Variants in SLC12A6 observed in about 807,000 individuals in gnomAD.
SLC12A6 encodes the protein K-Cl cotransporter 3.
A neutral mutation model predicts 135.3 loss-of-function variants in SLC12A6; 66 were observed. That is an observed-to-expected ratio of 0.49 (90% CI 0.40 to 0.60). The LOEUF (loss-of-function observed/expected upper bound fraction) is 0.60. Among genes scored for constraint, SLC12A6 ranks in the 20% least tolerant of loss-of-function variants. SLC12A6 has a pLI of 0.00. For synonymous variants in SLC12A6, 513 were observed against 508.8 expected (o/e 1.01, Z -0.11); for missense variants, 1,058 against 1,452.3 (o/e 0.73, Z 4.41).
At chr15:34,278,653 C>A (rs922930483) in intron 2 of SLC12A6, among the ~76,000 whole-genome samples, 4 of 151,972 alleles carry the variant, frequency 2.6e-5, no homozygotes, top group Admixed American at 6.5e-5. Context: ...CTCACTGCAA[C>A]CTCCACCTTC....
At chr15:34,326,269 A>G (rs116246488) in intron 2 of SLC12A6, among the ~76,000 whole-genome samples, 1 of 152,332 alleles carries the variant, frequency 6.6e-6, no homozygotes, top group East Asian at 1.9e-4. Context: ...ATGAAGACAG[A>G]CATTCAGTTA....
intron 3 of SLC12A6, among the ~76,000 whole-genome samples, chr15:34,264,248 A>T (rs930170852): frequency 1.3e-5 from 2 of 152,238 alleles, no homozygotes; most frequent in Non-Finnish European, 2.9e-5. Flanking sequence ...GATCAGGCTG[A>T]TCTGGAGCCT....
Position 34,233,145 on chromosome 15 carries a change from A to G in SLC12A6, c.*736T>C, listed in dbSNP as rs531525139. 3 of 152,350 alleles carry G rather than the reference A, an allele frequency of 2.0e-5. No individual in the cohort carries two copies. Among genetic ancestry groups the G allele is most frequent in the Non-Finnish European group, 2.9e-5 (2 of 68,094 alleles). 9.4% of individuals were successfully genotyped at this position (152,350 alleles called of 1,614,324 possible). Reference sequence around the variant, plus strand: ...GCCATTTGAAAGGAACCTGAAAGAAATAATTTTTACCTTACCAAAAACAAT... The same window carrying G: ...GCCATTTGAAAGGAACCTGAAAGAAGTAATTTTTACCTTACCAAAAACAAT... On this transcript the variant is annotated 3_prime_UTR_variant, in exon 26 of 26. Coordinates refer to ENST00000354181, the MANE Select transcript of SLC12A6 (RefSeq NM_001365088.1).
At chr15:34,319,028 T>C (rs1888859991) in intron 2 of SLC12A6, among the ~76,000 whole-genome samples, 2 of 152,198 alleles carry the variant, frequency 1.3e-5, no homozygotes, top group Admixed American at 1.3e-4. Flanking sequence ...GTCTACCGCT[T>C]GCTCCTCTAT....
rs532449640 is a variant in SLC12A6, at chr15:34,288,827, T to C, written c.272-13438A>G. ...TAGGAATGCCTGTGATTTCTGCACATTGATTTTGTATCCTGAGACTTTGCT... is the reference window on the plus strand; with the variant it reads ...TAGGAATGCCTGTGATTTCTGCACACTGATTTTGTATCCTGAGACTTTGCT... On this transcript the variant is annotated intron_variant, in intron 2 of 25. Coordinates refer to ENST00000354181, the MANE Select transcript of SLC12A6 (RefSeq NM_001365088.1). Among the ~76,000 whole-genome samples, 340 of 152,336 alleles carry C rather than the reference T, an allele frequency of 2.2e-3. 3 individuals carry two copies. The highest frequency in any genetic ancestry group is 8.0e-3 in the African/African-American group (331 of 41,570).
chr15:34,251,963 A>C (rs1223605240), intron 10 of SLC12A6, among the ~76,000 whole-genome samples: 1 of 152,352 alleles, frequency 6.6e-6, no homozygotes, highest in East Asian at 1.9e-4. Flanking sequence ...ATTTTAGCAG[A>C]CATCACTCTG....
At chr15:34,255,806 GTA>G (rs1566816765) in intron 7 of SLC12A6, among the ~76,000 whole-genome samples, 2 of 143,064 alleles carry the variant, frequency 1.4e-5, no homozygotes, top group Admixed American at 7.0e-5. Flanking sequence ...TGTCACCTCT[GTA>G]AAAAAAAAAA....
intron 6 of SLC12A6, chr15:34,257,434 G>A: frequency 1.9e-6 from 1 of 540,396 alleles, no homozygotes. Flanking sequence ...GTAATTTCTA[G>A]TACATCATAT....
chr15:34,333,459 G>A (rs578097438), intron 2 of SLC12A6, among the ~76,000 whole-genome samples: 2 of 152,006 alleles, frequency 1.3e-5, no homozygotes, highest in South Asian at 2.1e-4. Context: ...TCGGACTCCT[G>A]AGCTCAGGGA....
chr15:34,252,043 G>A (rs1892426791), intron 10 of SLC12A6, 127 bp downstream of exon 10: 3 of 677,476 alleles, frequency 4.4e-6, no homozygotes, highest in Non-Finnish European at 8.0e-6. Context: ...AGAGCTGTGT[G>A]GTGTGCTTAA....
At chr15:34,264,499 G>A (rs2140810952) in intron 3 of SLC12A6, among the ~76,000 whole-genome samples, 1 of 152,260 alleles carries the variant, frequency 6.6e-6, no homozygotes, top group Non-Finnish European at 1.5e-5. Flanking sequence ...GACTTCTTCA[G>A]CAAATAAATG....
intron 24 of SLC12A6, 117 bp from the exon 25 acceptor site, chr15:34,235,431 ATTTTTTTT>A: frequency 1.0e-5 from 5 of 501,884 alleles, no homozygotes; most frequent in African/African-American, 9.2e-5. Context: ...TGATAAAATG[ATTTTTTTT>A]TTTTTTTTTT....
At chr15:34,306,041 G>A (rs913857826) in intron 2 of SLC12A6, among the ~76,000 whole-genome samples, 7 of 151,100 alleles carry the variant, frequency 4.6e-5, no homozygotes, top group Non-Finnish European at 8.9e-5. Flanking sequence ...GATTACAGGC[G>A]TGAGCCACCG....
chr15:34,234,076 CTTAA>C (rs1891093160), intron 25 of SLC12A6, 104 bp from the exon 26 acceptor site: 2 of 735,088 alleles, frequency 2.7e-6, no homozygotes, highest in East Asian at 5.1e-5. Flanking sequence ...AAATTAGCTG[CTTAA>C]TTATTATATA....
intron 2 of SLC12A6, among the ~76,000 whole-genome samples, chr15:34,323,196 A>T (rs980754284): frequency 2.0e-5 from 3 of 152,126 alleles, no homozygotes; most frequent in Non-Finnish European, 2.9e-5. Context: ...AGACAAATAA[A>T]ATGGGCAAAA....
chr15:34,240,105 C>G (rs1891542255), intron 19 of SLC12A6, among the ~76,000 whole-genome samples: 2 of 151,990 alleles, frequency 1.3e-5, no homozygotes, highest in South Asian at 4.1e-4. Flanking sequence ...CCCCCTCCCC[C>G]CACAGTAAAA....
chr15:34,314,491 T>C (rs1223500010), intron 2 of SLC12A6, among the ~76,000 whole-genome samples: 5 of 151,926 alleles, frequency 3.3e-5, no homozygotes, highest in African/African-American at 1.2e-4. Context: ...GTTGTTTTCA[T>C]GCCTGCCAGC....
chr15:34,310,245 AGT>A (rs778291758), intron 2 of SLC12A6, among the ~76,000 whole-genome samples: 17 of 103,170 alleles, frequency 1.6e-4, no homozygotes, highest in South Asian at 3.0e-4. Context: ...CCTGGGCTCA[AGT>A]GTGTGTGTGT....
At chr15:34,337,040 G>A (rs930869897) in intron 1 of SLC12A6, 1 of 344,010 alleles carries the variant, frequency 2.9e-6, no homozygotes, top group Non-Finnish European at 5.5e-6. Flanking sequence ...GGCAGCAGAT[G>A]AAGCCTCCCT....
Sources: allele counts gnomAD v4.1 joint callset (sites outside exome capture counted in the v4.1 genomes callset), GRCh38; gene constraint gnomAD v4.1.1; transcripts MANE v1.5; gene names NCBI Gene and HGNC (gene_info 2026-07-23, HGNC 2026-07-21).